Variants in LRBA observed in about 807,000 individuals in gnomAD.
LRBA encodes lipopolysaccharide-responsive and beige-like anchor protein.
In LRBA, 176 loss-of-function variants were observed where a neutral mutation model predicts 330.0. That is an observed-to-expected ratio of 0.53 (90% confidence interval 0.47 to 0.60). LRBA has a LOEUF of 0.60. LRBA is among the 20% of genes least tolerant of loss of function. LRBA has a pLI of 0.00. For missense variants in LRBA, 3,259 were observed against 3,444.8 expected, an observed-to-expected ratio of 0.95 and a Z score of 1.35; for synonymous variants, 1,230 against 1,193.0, an observed-to-expected ratio of 1.03 and a Z score of -0.64.
intron 44 of LRBA, among the ~76,000 whole-genome samples, chr4:150,457,897 C>G (rs945818796): frequency 6.6e-6 from 1 of 151,818 alleles, no homozygotes; most frequent in African/African-American, 2.4e-5. Flanking sequence ...ATAGTCACTC[C>G]ACATCACAGT....
Position 150,849,444 on chromosome 4 carries a change from A to G in LRBA, c.4136T>C (p.Leu1379Pro), listed in dbSNP as rs1234660836. 1 of 1,614,026 alleles carries G rather than the reference A, an allele frequency of 6.2e-7. No homozygotes were observed. The highest frequency in any genetic ancestry group is 1.7e-5 in the Admixed American group (1 of 60,012). ...VMACGGILPL[L>P]SAATSATHEL... ...TACTGTAGCCGATGTAGCAGCTGAA[A>G]GCAATGGCAGTATACCCCCACAAGC... The change falls in exon 25 of 57, where the codon CTT (leucine) becomes CCT (proline). Residue 1379 changes from leucine to proline, a missense_variant. Physicochemically the swap from Leu to Pro is moderately conservative, Grantham distance 98. Coordinates refer to ENST00000651943, the MANE Select transcript of LRBA (RefSeq NM_001364905.1).
At position 150,867,655 on chromosome 4, in the gene LRBA, T is replaced by A. The variant is rs1752896639; in HGVS notation, c.2766+16A>T. ...ATATTTAAAATGCTACAATACGCTT[T>A]CATAAAGAAACTTACCTTTGAATGA... is the stretch of plus-strand genomic sequence containing the variant. On this transcript the variant is annotated intron_variant, in intron 22 of 56. Coordinates refer to ENST00000651943, the MANE Select transcript of LRBA (RefSeq NM_001364905.1). 3.8e-6 allele frequency: 6 copies of A among 1,582,862 alleles called. No individual in the cohort carries two copies. In the East Asian group the frequency reaches 1.4e-4, roughly 37 times the overall value.
chr4:150,437,207 A>G (rs999127184), intron 44 of LRBA, among the ~76,000 whole-genome samples: 1 of 152,050 alleles, frequency 6.6e-6, no homozygotes, highest in Admixed American at 6.6e-5. Flanking sequence ...CTATAAAACC[A>G]CATTTAGTTA....
At chr4:150,784,459 C>A (rs1035725445) in intron 34 of LRBA, among the ~76,000 whole-genome samples, 1 of 152,192 alleles carries the variant, frequency 6.6e-6, no homozygotes, top group Non-Finnish European at 1.5e-5. Flanking sequence ...ACAGCTGCCC[C>A]CACATATCCC....
chr4:150,946,096 C>T (rs573427482), intron 2 of LRBA, among the ~76,000 whole-genome samples: 3 of 152,200 alleles, frequency 2.0e-5, no homozygotes, highest in South Asian at 4.2e-4. Flanking sequence ...CCATGCCCAG[C>T]CGGCATATTT....
intron 36 of LRBA, among the ~76,000 whole-genome samples, chr4:150,731,222 A>G (rs1306997400): frequency 6.6e-6 from 1 of 152,180 alleles, no homozygotes; most frequent in Non-Finnish European, 1.5e-5. Context: ...CCACCATGAG[A>G]ACAGTCTGGA....
At chr4:150,291,121 C>G (rs1323022925) in intron 53 of LRBA, among the ~76,000 whole-genome samples, 1 of 130,952 alleles carries the variant, frequency 7.6e-6, no homozygotes, top group Admixed American at 8.2e-5. Context: ...CCCACCCCAC[C>G]ACAGTCCCCA....
chr4:150,335,474 T>TAC lies in LRBA; in HGVS notation c.7363-9578_7363-9577dup, dbSNP rs1561030122. On this transcript the variant is annotated intron_variant, in intron 48 of 56. Coordinates refer to ENST00000651943, the MANE Select transcript of LRBA (RefSeq NM_001364905.1). ...ATATGTGTATATATGTGTATATATA[T>TAC]ACGTATATATGTGTGTGTATATATA... is the stretch of plus-strand genomic sequence containing the variant. Among the ~76,000 whole-genome samples the TAC allele has an allele frequency of 1.4e-4, 18 of 127,538 alleles. No homozygotes were observed. In the South Asian group the frequency reaches 1.5e-3, roughly 10 times the overall value. 83.7% of individuals were successfully genotyped at this position (127,538 alleles called of 152,430 possible). A position where few individuals can be genotyped will look rare whatever the true frequency, so the allele number is the denominator to read the frequency against.
chr4:150,881,216 G>A lies in LRBA; in HGVS notation c.2166-8461C>T, dbSNP rs142540337. Among the ~76,000 whole-genome samples the A allele has an allele frequency of 3.2e-4, 48 of 152,262 alleles. 1 individual carries two copies. In the East Asian group the frequency reaches 7.1e-3, roughly 23 times the overall value. ...CATTCTACCAACAACACATGCACTC[G>A]TATGTGTATTACAGCACTAATCACA... is the stretch of plus-strand genomic sequence containing the variant. On this transcript the variant is annotated intron_variant, in intron 17 of 56. Coordinates refer to ENST00000651943, the MANE Select transcript of LRBA (RefSeq NM_001364905.1).
At chr4:150,886,900 T>C (rs1728997023) in intron 17 of LRBA, among the ~76,000 whole-genome samples, 1 of 152,204 alleles carries the variant, frequency 6.6e-6, no homozygotes, top group African/African-American at 2.4e-5. Flanking sequence ...AGCAAAATGT[T>C]GGACTTATCA....
intron 29 of LRBA, among the ~76,000 whole-genome samples, chr4:150,830,418 T>C (rs988453197): frequency 1.4e-4 from 22 of 152,136 alleles, no homozygotes; most frequent in Non-Finnish European, 2.5e-4. Flanking sequence ...AGGAACTCAG[T>C]TGAGAACAAG....
At chr4:150,416,490 T>G (rs1317704952) in intron 46 of LRBA, among the ~76,000 whole-genome samples, 1 of 152,198 alleles carries the variant, frequency 6.6e-6, no homozygotes, top group Admixed American at 6.5e-5. Flanking sequence ...CCATGATCCA[T>G]GTGAAATGTT....
chr4:150,891,754 C>A (rs958239817), intron 17 of LRBA, among the ~76,000 whole-genome samples: 1 of 152,088 alleles, frequency 6.6e-6, no homozygotes, highest in Non-Finnish European at 1.5e-5. Flanking sequence ...TTCTGTTTCC[C>A]TGGAGAACTC....
chr4:150,671,532 TAAC>T (rs1307381553), intron 37 of LRBA, among the ~76,000 whole-genome samples: 1 of 152,212 alleles, frequency 6.6e-6, no homozygotes, highest in African/African-American at 2.4e-5. Flanking sequence ...TAACATGTGA[TAAC>T]AATTTTTATT....
intron 28 of LRBA, among the ~76,000 whole-genome samples, chr4:150,836,722 T>C (rs537100752): frequency 6.6e-6 from 1 of 152,326 alleles, no homozygotes; most frequent in Non-Finnish European, 1.5e-5. Flanking sequence ...CCTATCAATT[T>C]TGTTGATCTT....
intron 37 of LRBA, among the ~76,000 whole-genome samples, chr4:150,605,786 C>A (rs1406931622): frequency 6.6e-6 from 1 of 151,966 alleles, no homozygotes; most frequent in African/African-American, 2.4e-5. Context: ...TGCCTTCATG[C>A]AAATAAAAAG....
intron 34 of LRBA, among the ~76,000 whole-genome samples, chr4:150,789,819 A>G (rs1739644667): frequency 6.6e-6 from 1 of 152,176 alleles, no homozygotes; most frequent in South Asian, 2.1e-4. Context: ...GCAAGCAATG[A>G]TAGCTGAGAA....
chr4:150,865,781 T>A (rs1459449703), intron 22 of LRBA, among the ~76,000 whole-genome samples: 1 of 151,512 alleles, frequency 6.6e-6, no homozygotes, highest in African/African-American at 2.4e-5. Flanking sequence ...AATGGCTCTA[T>A]CTCTGCTCAC....
At position 150,852,490 on chromosome 4, in the gene LRBA, T is replaced by C. The variant is rs754130305; in HGVS notation, c.3220A>G (p.Thr1074Ala). Residue 1074 changes from threonine (T) to alanine (A), a missense_variant, in exon 23 of 57, where the codon ACT becomes GCT. By Grantham distance (58) the Thr-to-Ala change is moderately conservative. Coordinates refer to ENST00000651943, the MANE Select transcript of LRBA (RefSeq NM_001364905.1). Reference sequence around the variant, plus strand: ...ATAGAAGCAGTTACTTCACTGACAGTCATTGAATCTTTGCCAGTTGTTATA... The same window carrying C: ...ATAGAAGCAGTTACTTCACTGACAGCCATTGAATCTTTGCCAGTTGTTATA... ...SFITTGKDSMTVSEVTASISS... is the reference protein window; with the variant it reads ...SFITTGKDSMAVSEVTASISS... 2.5e-6 allele frequency: 4 copies of C among 1,613,674 alleles called. No homozygotes were observed. The East Asian group carries it at 8.9e-5, about 36-fold the overall frequency.
Sources: gnomAD v4.1 joint callset for allele counts (sites outside exome capture counted in the v4.1 genomes callset) on GRCh38, gnomAD v4.1.1 for gene constraint, MANE v1.5 for transcripts, NCBI Gene and HGNC (gene_info 2026-07-23, HGNC 2026-07-21) for gene names.